The following FGF14 variants were observed in gnomAD, a reference collection of about 807,000 sequenced individuals.
The protein encoded by FGF14 is fibroblast growth factor homologous factor 4.
Under a neutral mutation model 25.5 loss-of-function variants are expected in FGF14, and 5 were observed. The ratio of observed to expected loss-of-function variants is 0.20; its 90% CI spans 0.10 to 0.41. The LOEUF is 0.41. Among genes scored for constraint, FGF14 ranks in the 10% least tolerant of loss-of-function variants. FGF14 has a pLI of 1.00. For missense variants in FGF14, 222 were observed against 320.1 expected, an observed-to-expected ratio of 0.69 and a Z score of 2.34; for synonymous variants, 138 against 118.3, an observed-to-expected ratio of 1.17 and a Z score of -1.08.
At chr13:101,743,871 G>A (rs1327489192) in intron 3 of FGF14, among the ~76,000 whole-genome samples, 1 of 152,002 alleles carries the variant, frequency 6.6e-6, no homozygotes, top group South Asian at 2.1e-4. Flanking sequence ...ATTGCATCAA[G>A]TATTTAAAAG....
chr13:102,012,860 G>A (rs533389078), intron 1 of FGF14, among the ~76,000 whole-genome samples: 1 of 152,186 alleles, frequency 6.6e-6, no homozygotes, highest in Admixed American at 6.5e-5. Flanking sequence ...GGATGTCTGA[G>A]CCCCCTTATT....
chr13:102,190,406 T>A (rs1337546781), intron 1 of FGF14, among the ~76,000 whole-genome samples: 1 of 152,210 alleles, frequency 6.6e-6, no homozygotes, highest in Non-Finnish European at 1.5e-5. Context: ...AATTTTTGAT[T>A]GTCACAACTG....
At chr13:101,976,406 T>G (rs1470572114) in intron 1 of FGF14, among the ~76,000 whole-genome samples, 3 of 152,202 alleles carry the variant, frequency 2.0e-5, no homozygotes, top group Non-Finnish European at 4.4e-5. Flanking sequence ...GTTGTATTCT[T>G]CAATAACCAT....
chr13:102,066,292 C>T (rs1390740123), intron 1 of FGF14, among the ~76,000 whole-genome samples: 2 of 152,038 alleles, frequency 1.3e-5, no homozygotes, highest in African/African-American at 4.8e-5. Flanking sequence ...TAAGTGAAGT[C>T]CTTTATCATT....
At chr13:102,197,438 T>C (rs1164506645) in intron 1 of FGF14, among the ~76,000 whole-genome samples, 1 of 152,078 alleles carries the variant, frequency 6.6e-6, no homozygotes, top group Non-Finnish European at 1.5e-5. Flanking sequence ...CTTGGCCAAG[T>C]CACTCAACTT....
Position 101,719,532 on chromosome 13 carries a change from C to T in FGF14, c.*3299G>A, listed in dbSNP as rs574930268. 1.5e-3 allele frequency: 234 copies of T among 152,114 alleles called. No individual in the cohort carries two copies. The highest frequency in any genetic ancestry group is 5.3e-3 in the African/African-American group (221 of 41,510). The allele number at this position is 152,114 out of a possible 1,614,324, so 9.4% of individuals were successfully genotyped here. A position where few individuals can be genotyped will look rare whatever the true frequency, so the allele number is the denominator to read the frequency against. On this transcript the variant is annotated 3_prime_UTR_variant, in exon 5 of 5. Transcript: ENST00000376143. ...AATTGTCATGTCTTCTCTAATTTTT[C>T]CAAGTAAAGTGGTAGCAAAATGTTT...
intron 3 of FGF14, among the ~76,000 whole-genome samples, chr13:101,867,889 GACACACACACACACACAC>G (rs370683665): frequency 2.6e-4 from 37 of 140,678 alleles, no homozygotes; most frequent in East Asian, 1.1e-3. Flanking sequence ...TTCTGTTTAA[GACACACACACACACACAC>G]ACACACACAC....
intron 1 of FGF14, among the ~76,000 whole-genome samples, chr13:102,170,821 A>T (rs1280838682): frequency 6.6e-6 from 1 of 152,160 alleles, no homozygotes; most frequent in African/African-American, 2.4e-5. Flanking sequence ...TAGTGAATTT[A>T]TACCTGCATC....
rs550673418 is a variant in FGF14, at chr13:101,854,474, C to A, written c.408+14251G>T. 5.3e-5 allele frequency among the ~76,000 whole-genome samples: 8 copies of A among 152,152 alleles called. No individual in the cohort carries two copies. The South Asian group carries it at 1.7e-3, about 32-fold the overall frequency. On this transcript the variant is annotated intron_variant, in intron 3 of 4. Transcript: ENST00000376143. ...GAGCTGTTGAAATTCTGACTTGTTC[C>A]TCATGTGTATATGATGGACATGGTG...
chr13:101,975,584 AGCT>A (rs2037870981), intron 1 of FGF14, among the ~76,000 whole-genome samples: 1 of 151,910 alleles, frequency 6.6e-6, no homozygotes, highest in Non-Finnish European at 1.5e-5. Context: ...TCATGGTTTT[AGCT>A]TCCATGGGCT....
At chr13:101,740,861 T>A (rs2036507641) in intron 3 of FGF14, among the ~76,000 whole-genome samples, 1 of 152,210 alleles carries the variant, frequency 6.6e-6, no homozygotes, top group African/African-American at 2.4e-5. Flanking sequence ...GAAATCTTCA[T>A]GCATTCCTAT....
At chr13:102,296,774 A>T (rs1483413218) in intron 1 of FGF14, among the ~76,000 whole-genome samples, 1 of 152,200 alleles carries the variant, frequency 6.6e-6, no homozygotes, top group East Asian at 1.9e-4. Context: ...CAGGGAAACT[A>T]GAATTCAGCA....
At chr13:102,208,354 T>C (rs1055550760) in intron 1 of FGF14, among the ~76,000 whole-genome samples, 1 of 152,210 alleles carries the variant, frequency 6.6e-6, no homozygotes, top group African/African-American at 2.4e-5. Context: ...TATTTTATTT[T>C]CTAATTTTCA....
chr13:101,917,036 C>A (rs1442485074), upstream of FGF14, among the ~76,000 whole-genome samples: 1 of 151,534 alleles, frequency 6.6e-6, no homozygotes, highest in Non-Finnish European at 1.5e-5. Context: ...GGCTCCCGGG[C>A]GGGAGGTAGA....
intron 1 of FGF14, among the ~76,000 whole-genome samples, chr13:102,266,225 A>G (rs1043913220): frequency 6.6e-6 from 1 of 152,168 alleles, no homozygotes; most frequent in African/African-American, 2.4e-5. Flanking sequence ...GAGGCTGACT[A>G]AAGGTGAATG....
chr13:101,901,936 G>A (rs1228903357), intron 1 of FGF14, among the ~76,000 whole-genome samples: 1 of 152,062 alleles, frequency 6.6e-6, no homozygotes, highest in East Asian at 1.9e-4. Flanking sequence ...ATACAAAAAT[G>A]CAATTCATTT....
rs373665807 is a variant in FGF14, at chr13:102,387,932, G to A, written c.208+13539C>T. 1.9e-4 allele frequency among the ~76,000 whole-genome samples: 29 copies of A among 152,202 alleles called. No individual in the cohort carries two copies. In the East Asian group the frequency reaches 4.8e-3, roughly 25 times the overall value. ...TTTAGTAAAGACGGGGTTTCACCAC[G>A]TTGGCCAGGATGGTCTCGATCTCTT... On this transcript the variant is annotated intron_variant, in intron 1 of 4. Coordinates refer to the FGF14 transcript ENST00000376131.
At chr13:102,055,994 C>A (rs773790872) in intron 1 of FGF14, among the ~76,000 whole-genome samples, 1 of 152,158 alleles carries the variant, frequency 6.6e-6, no homozygotes, top group African/African-American at 2.4e-5. Flanking sequence ...TTCACTACCA[C>A]GAGAACAGTA....
At chr13:101,841,797 G>A (rs1409845452) in intron 3 of FGF14, among the ~76,000 whole-genome samples, 1 of 151,832 alleles carries the variant, frequency 6.6e-6, no homozygotes, top group African/African-American at 2.4e-5. Context: ...TGCTGGCCCA[G>A]TGTTTTGATC....
Sources: gnomAD v4.1 joint callset for allele counts (sites outside exome capture counted in the v4.1 genomes callset) on GRCh38, gnomAD v4.1.1 for gene constraint, MANE v1.5 for transcripts, NCBI Gene and HGNC (gene_info 2026-07-23, HGNC 2026-07-21) for gene names.